Variants in ITSN1 observed in about 807,000 individuals in gnomAD.
ITSN1 encodes the protein intersectin 1.
ITSN1 carries 58 observed loss-of-function variants against 239.8 expected under a neutral mutation model. The ratio of observed to expected loss-of-function variants is 0.24; its 90% confidence interval spans 0.20 to 0.30. ITSN1 has a LOEUF of 0.30. Ranked by LOEUF, ITSN1 falls within the 10% of genes least tolerant of loss-of-function variation. ITSN1 has a pLI of 1.00. For synonymous variants in ITSN1, 780 were observed against 770.8 expected (o/e 1.01, Z -0.20); for missense variants, 1,558 against 2,103.3 (o/e 0.74, Z 5.07).
intron 1 of ITSN1, among the ~76,000 whole-genome samples, chr21:33,703,111 G>GTGTGTA (rs1038342082): frequency 6.7e-6 from 1 of 149,634 alleles, no homozygotes; most frequent in Non-Finnish European, 1.5e-5. Context: ...GTGTGTGTGT[G>GTGTGTA]TGTATACACA....
chr21:33,675,862 A>G (rs2090557995), intron 1 of ITSN1, among the ~76,000 whole-genome samples: 1 of 151,580 alleles, frequency 6.6e-6, no homozygotes, highest in African/African-American at 2.4e-5. Context: ...TTTTTTCTTG[A>G]TTTATATGAA....
intron 20 of ITSN1, among the ~76,000 whole-genome samples, chr21:33,806,782 A>G (rs990935110): frequency 5.3e-5 from 8 of 152,252 alleles, no homozygotes; most frequent in Admixed American, 6.5e-5. Context: ...TAATAATAAC[A>G]TCTCCCTTAT....
chr21:33,666,459 A>G (rs1043232603), intron 1 of ITSN1, among the ~76,000 whole-genome samples: 4 of 109,240 alleles, frequency 3.7e-5, no homozygotes, highest in African/African-American at 1.8e-4. Flanking sequence ...TGATGCTGCA[A>G]TTTAAAAAAA....
Position 33,858,681 on chromosome 21 carries a change from T to C in ITSN1, c.3784-5T>C, listed in dbSNP as rs1488121267. ...TCTGAACTGCTTCGTTTTCTGCATC[T>C]GTAGATTTTTCAAAAACCCCTGATG... On this transcript the variant is annotated splice_polypyrimidine_tract_variant and splice_region_variant and intron_variant, in intron 30 of 39. Transcript: ENST00000381318. 6.3e-7 allele frequency: 1 copy of C among 1,594,986 alleles called. No homozygotes were observed.
rs183986178 is a variant in ITSN1 at position 33,802,594 on chromosome 21, A to T, written c.2319+150A>T. Reference sequence around the variant, plus strand: ...GTCTGTGTAGTAGGTTGTGCTTTTTAAAAAAAAAGTAAGTCGTAAGTCTTC... The same window carrying T: ...GTCTGTGTAGTAGGTTGTGCTTTTTTAAAAAAAAGTAAGTCGTAAGTCTTC... On this transcript the variant is annotated intron_variant, in intron 20 of 39. Transcript: ENST00000381318. The T allele has an allele frequency of 2.7e-3, 1,535 of 558,656 alleles. 19 individuals are homozygous for T. The African/African-American group carries it at 0.035, about 13-fold the overall frequency. 34.6% of individuals were successfully genotyped at this position (558,656 alleles called of 1,614,324 possible).
intron 1 of ITSN1, among the ~76,000 whole-genome samples, chr21:33,659,671 G>A (rs954172602): frequency 1.1e-4 from 16 of 139,222 alleles, no homozygotes; most frequent in African/African-American, 4.3e-4. Context: ...ATTTAGCTTT[G>A]TAAGCTATTC....
In ITSN1 at chr21:33,775,082, A is replaced by G. The variant is rs2069495739; in HGVS notation, c.1570A>G (p.Ile524Val). 1 of 1,613,812 alleles carries G rather than the reference A, an allele frequency of 6.2e-7. No individual in the cohort carries two copies. The highest frequency in any genetic ancestry group is 1.1e-5 in the South Asian group (1 of 90,902). The stretch of plus-strand genomic sequence containing the variant: ...ATCTAGAGAGTTGAGAATTGCCGAA[A>G]TCACCCATCTACAGCAACAATTACA... ...NKSRELRIAE[I>V]THLQQQLQES... Residue 524 changes from isoleucine (I) to valine (V), a missense_variant, in exon 14 of 40, where the codon ATC becomes GTC. Transcript: ENST00000381318.
chr21:33,694,863 G>A (rs1340501107), intron 1 of ITSN1, among the ~76,000 whole-genome samples: 2 of 152,192 alleles, frequency 1.3e-5, no homozygotes, highest in Non-Finnish European at 2.9e-5. Context: ...CACTCAGGCT[G>A]CAATGCAGTG....
At chr21:33,886,253 A>T (rs1361994585) in intron 38 of ITSN1, 34 bp from the exon 39 acceptor site, 8 of 1,537,676 alleles carry the variant, frequency 5.2e-6, no homozygotes, top group Non-Finnish European at 7.1e-6. Context: ...ATGAGGTGTG[A>T]GTTCCACCTG....
rs147759190 is a variant in ITSN1, at chr21:33,805,435, C to T, written c.2319+2991C>T. ...CCATAGATTAAACATCAGAAAGTAT[C>T]TCATTTAGTAACAACTGGCCATAAT... On this transcript the variant is annotated intron_variant, in intron 20 of 39. Coordinates refer to ENST00000381318, the MANE Select transcript of ITSN1 (RefSeq NM_003024.3). Among the ~76,000 whole-genome samples, 7 of 152,256 alleles carry T rather than the reference C, an allele frequency of 4.6e-5. No individual in the cohort carries two copies. In the East Asian group the frequency reaches 1.4e-3, roughly 29 times the overall value.
At chr21:33,695,617 C>T (rs2091758577) in intron 1 of ITSN1, among the ~76,000 whole-genome samples, 1 of 152,148 alleles carries the variant, frequency 6.6e-6, no homozygotes, top group Non-Finnish European at 1.5e-5. Context: ...AGATTATAAA[C>T]CAAACACATT....
chr21:33,808,569 G>C (rs947226849), intron 20 of ITSN1, among the ~76,000 whole-genome samples: 1 of 150,766 alleles, frequency 6.6e-6, no homozygotes, highest in African/African-American at 2.4e-5. Flanking sequence ...TGGGTGACAA[G>C]AGTGAGACTC....
chr21:33,718,151 CCT>C (rs1569013241), intron 1 of ITSN1, among the ~76,000 whole-genome samples: 1 of 152,134 alleles, frequency 6.6e-6, no homozygotes, highest in Non-Finnish European at 1.5e-5. Context: ...ATAATGGTAA[CCT>C]ATCTCACAGG....
intron 1 of ITSN1, among the ~76,000 whole-genome samples, chr21:33,652,236 T>G (rs1244573246): frequency 6.6e-6 from 1 of 152,120 alleles, no homozygotes; most frequent in Non-Finnish European, 1.5e-5. Flanking sequence ...ACCTTTGTGG[T>G]TCTGGGAGGA....
At chr21:33,712,384 C>G (rs1006705493) in intron 1 of ITSN1, among the ~76,000 whole-genome samples, 1 of 152,102 alleles carries the variant, frequency 6.6e-6, no homozygotes, top group African/African-American at 2.4e-5. Context: ...ACTATAAATT[C>G]TCTATGCTGT....
chr21:33,732,890 T>C (rs1441567740), intron 4 of ITSN1, among the ~76,000 whole-genome samples: 1 of 152,144 alleles, frequency 6.6e-6, no homozygotes, highest in East Asian at 1.9e-4. Context: ...GCATATTATA[T>C]GAAAAAAGTG....
chr21:33,870,721 T>C (rs890056737), intron 33 of ITSN1, among the ~76,000 whole-genome samples: 1 of 151,710 alleles, frequency 6.6e-6, no homozygotes, highest in African/African-American at 2.4e-5. Context: ...AGGTCAGGAG[T>C]TCAAGACTAG....
Position 33,875,414 on chromosome 21 carries a change from A to G in ITSN1, c.4234A>G (p.Lys1412Glu). The change falls in exon 34 of 40, where the codon AAG becomes GAG. Residue 1412 changes from lysine (K) to glutamate (E), a missense_variant. Lys to Glu is a moderately conservative substitution (Grantham distance 56). Transcript: ENST00000381318. ...CAGCCACTTGAAGCACGCCCTGGAG[A>G]AGGCGGAAGAGCTCTGTTCCCAGGT... is the stretch of plus-strand genomic sequence containing the variant. Reference protein sequence around the residue: ...DHSHLKHALEKAEELCSQVNE... With the variant: ...DHSHLKHALEEAEELCSQVNE... 6.2e-7 allele frequency: 1 copy of G among 1,614,016 alleles called. No individual in the cohort carries two copies. Among genetic ancestry groups the G allele is most frequent in the Non-Finnish European group, 8.5e-7 (1 of 1,179,980 alleles).
chr21:33,878,905 T>C (rs1984447640), intron 34 of ITSN1, among the ~76,000 whole-genome samples: 1 of 151,994 alleles, frequency 6.6e-6, no homozygotes, highest in African/African-American at 2.4e-5. Context: ...AAGCTGGGGG[T>C]TAAACCAACA....
Sources: allele counts gnomAD v4.1 joint callset (sites outside exome capture counted in the v4.1 genomes callset), GRCh38; gene constraint gnomAD v4.1.1; transcripts MANE v1.5; gene names NCBI Gene and HGNC (gene_info 2026-07-23, HGNC 2026-07-21).